Variants in DCTD observed in about 807,000 individuals in gnomAD.
The protein encoded by DCTD is dCMP deaminase, also known as deoxycytidylate deaminase.
In DCTD, 23 loss-of-function variants were observed where a neutral mutation model predicts 21.0. The observed-to-expected ratio is 1.09, with a 90% confidence interval of 0.79 to 1.55. The LOEUF (loss-of-function observed/expected upper bound fraction) is 1.55, where lower values mean the gene tolerates loss of function less well. Ranked by LOEUF, DCTD falls within the 40% of genes most tolerant of loss-of-function variation. The pLI is 0.00. For missense variants in DCTD, 224 were observed against 230.0 expected, an observed-to-expected ratio of 0.97 and a Z score of 0.17; for synonymous variants, 71 against 81.1, an observed-to-expected ratio of 0.88 and a Z score of 0.67.
rs1440313087 is a variant in DCTD, at chr4:182,914,990, C to T, written c.177G>A (p.Gly59=). Residue 59 remains glycine, a synonymous_variant, in exon 3 of 6, where the codon GGG becomes GGA. Transcript: ENST00000438320. ...VGIGYNGMPN[G]CSDDVLPWRR... ...TCCAAGGCAACACGTCATCACTGCA[C>T]CCATTTGGCATCCCATTGTACCCAA... 1.4e-5 allele frequency: 23 copies of T among 1,614,180 alleles called. No individual in the cohort carries two copies. Among genetic ancestry groups the T allele is most frequent in the Non-Finnish European group, 1.9e-5 (22 of 1,180,028 alleles).
At chr4:182,893,927 A>T (rs879186592) in intron 4 of DCTD, among the ~76,000 whole-genome samples, 1 of 152,258 alleles carries the variant, frequency 6.6e-6, no homozygotes, top group Admixed American at 6.5e-5. Context: ...TATGGAGACA[A>T]AGTGTAGCTG....
Position 182,898,214 on chromosome 4 carries a change from G to A in DCTD, c.245-3609C>T, listed in dbSNP as rs527412179. On this transcript the variant is annotated intron_variant, in intron 3 of 5. Transcript: ENST00000438320. ...ACTCGATGACTGCCTGGCCTGTGAC[G>A]AGCTCATGCCTGCCCTGGCTGGCCA... 3.9e-5 allele frequency among the ~76,000 whole-genome samples: 6 copies of A among 152,290 alleles called. No individual in the cohort carries two copies. The South Asian group carries it at 8.3e-4, about 21-fold the overall frequency.
upstream of DCTD, chr4:182,917,446 G>A (rs1421945217): frequency 2.7e-6 from 2 of 732,044 alleles, no homozygotes; most frequent in African/African-American, 3.8e-5. This position sits in a 1 kb window ranked among gnomAD's most constrained non-coding sequence, Gnocchi z 4.9. Context: ...GCGTTCGCAG[G>A]ACGGCGGCTG....
In DCTD at chr4:182,917,283, C is replaced by T. The variant is rs933803832; in HGVS notation, c.-8+28G>A. ...GCGGTGGCTAGGGGCGCGCGGGCCG[C>T]GTACCCGCACGGCTGGCCCCCGCCC... On this transcript the variant is annotated intron_variant, in intron 1 of 5. Coordinates refer to ENST00000438320, the MANE Select transcript of DCTD (RefSeq NM_001921.3). This position sits in a 1 kb window ranked among gnomAD's most constrained non-coding sequence, Gnocchi z 4.9. The T allele has an allele frequency of 2.9e-6, 3 of 1,047,986 alleles. No individual in the cohort carries two copies. The highest frequency in any genetic ancestry group is 2.3e-6 in the Non-Finnish European group (2 of 872,372). 64.9% of individuals were successfully genotyped at this position (1,047,986 alleles called of 1,614,324 possible).
intron 3 of DCTD, among the ~76,000 whole-genome samples, chr4:182,912,019 G>A (rs1737773724): frequency 6.6e-6 from 1 of 152,062 alleles, no homozygotes; most frequent in Non-Finnish European, 1.5e-5. Flanking sequence ...ATTAACCTAT[G>A]AATTTACCCT....
chr4:182,900,749 A>G (rs1254445764), intron 3 of DCTD, among the ~76,000 whole-genome samples: 3 of 152,226 alleles, frequency 2.0e-5, no homozygotes, highest in Admixed American at 1.3e-4. Context: ...AACCTTGTTT[A>G]AAAGGAAAAG....
intron 3 of DCTD, among the ~76,000 whole-genome samples, chr4:182,905,621 T>A (rs564383139): frequency 1.3e-5 from 2 of 152,294 alleles, no homozygotes; most frequent in East Asian, 3.9e-4. Flanking sequence ...CACTGCTCTG[T>A]GTGCTCCTTC....
chr4:182,891,605 A>G, intron 5 of DCTD, 128 bp from the exon 6 acceptor site: 2 of 665,156 alleles, frequency 3.0e-6, no homozygotes, highest in Non-Finnish European at 5.3e-6. Context: ...TTTTCTCTCT[A>G]TAGGAGCCAA....
At chr4:182,916,699 C>T (rs1738796019) in intron 1 of DCTD, 2 of 1,027,846 alleles carry the variant, frequency 1.9e-6, no homozygotes, top group Non-Finnish European at 2.4e-6. Context: ...CATCCATCAT[C>T]GCTGTGGGGT....
At chr4:182,909,217 G>A (rs757381263) in intron 3 of DCTD, among the ~76,000 whole-genome samples, 18 of 151,970 alleles carry the variant, frequency 1.2e-4, no homozygotes, top group Non-Finnish European at 2.5e-4. Flanking sequence ...ATTCCTTTCT[G>A]AAAACTGTTT....
At chr4:182,914,096 C>T (rs1168809814) in intron 3 of DCTD, among the ~76,000 whole-genome samples, 1 of 152,206 alleles carries the variant, frequency 6.6e-6, no homozygotes, top group African/African-American at 2.4e-5. Flanking sequence ...CAACCTCCAC[C>T]TCCTGAGTTC....
chr4:182,916,799 G>A (rs1484417117), intron 1 of DCTD: 33 of 1,118,334 alleles, frequency 3.0e-5, no homozygotes, highest in Non-Finnish European at 3.7e-5. Context: ...TAATCCCCTG[G>A]GCGCCTTCTC....
At chr4:182,910,602 T>C (rs2152862883) in intron 3 of DCTD, among the ~76,000 whole-genome samples, 1 of 152,356 alleles carries the variant, frequency 6.6e-6, no homozygotes, top group East Asian at 1.9e-4. Flanking sequence ...GCTTCCTCTT[T>C]TTTAATTGTC....
chr4:182,899,404 TC>T (rs202121358), intron 3 of DCTD, among the ~76,000 whole-genome samples: 4,647 of 150,644 alleles, frequency 0.031, 273 homozygotes, highest in African/African-American at 0.11. Context: ...TTTTTCTTTT[TC>T]TTTTTTTTTT....
intron 4 of DCTD, 100 bp from the exon 5 acceptor site, chr4:182,893,227 G>A (rs944886514): frequency 1.4e-6 from 1 of 740,012 alleles, no homozygotes; most frequent in Non-Finnish European, 2.5e-6. Flanking sequence ...TATGATTAAT[G>A]ACCTTTTCTG....
chr4:182,904,557 C>T (rs576999264), intron 3 of DCTD, among the ~76,000 whole-genome samples: 21 of 152,302 alleles, frequency 1.4e-4, no homozygotes, highest in African/African-American at 4.6e-4. Flanking sequence ...CTCTCCCTGG[C>T]CTGCCTCAGG....
At chr4:182,912,181 C>T (rs1376889292) in intron 3 of DCTD, among the ~76,000 whole-genome samples, 2 of 150,964 alleles carry the variant, frequency 1.3e-5, no homozygotes, top group Non-Finnish European at 2.9e-5. Context: ...GCATTTGAGT[C>T]AATTATCAGC....
intron 2 of DCTD, 67 bp downstream of exon 2, chr4:182,915,394 T>C (rs1738539943): frequency 7.3e-6 from 8 of 1,096,854 alleles, no homozygotes; most frequent in Non-Finnish European, 1.1e-5. Context: ...AGTCTCCCCT[T>C]TCTGCTCATG....
upstream of DCTD, chr4:182,917,414 G>A (rs548624068): frequency 2.7e-4 from 282 of 1,045,952 alleles, no homozygotes; most frequent in Non-Finnish European, 3.1e-4. The surrounding 1 kb of genome is among the most constrained non-coding windows in gnomAD (Gnocchi z 4.9). Flanking sequence ...GGGCCGGAAG[G>A]GGGCAGCGGC....
Sources: allele counts gnomAD v4.1 joint callset (sites outside exome capture counted in the v4.1 genomes callset), GRCh38; gene constraint gnomAD v4.1.1; non-coding constraint Gnocchi (gnomAD v3.1); transcripts MANE v1.5; gene names NCBI Gene and HGNC (gene_info 2026-07-23, HGNC 2026-07-21).